Variants in KCNQ3 observed in about 807,000 individuals in gnomAD.
KCNQ3 encodes the protein potassium voltage-gated channel subfamily KQT member 3.
In KCNQ3, 30 loss-of-function variants were observed where a neutral mutation model predicts 92.5. The ratio of observed to expected loss-of-function variants is 0.32; its 90% confidence interval spans 0.24 to 0.44. The LOEUF is 0.44. Ranked by LOEUF, KCNQ3 falls within the 20% of genes least tolerant of loss-of-function variation. The pLI is 1.00. For synonymous variants in KCNQ3, 450 were observed against 468.8 expected (o/e 0.96, Z 0.52); for missense variants, 913 against 1,140.3 (o/e 0.80, Z 2.87).
chr8:132,339,035 C>T (rs765521012), intron 1 of KCNQ3, among the ~76,000 whole-genome samples: 5 of 152,060 alleles, frequency 3.3e-5, no homozygotes, highest in Admixed American at 6.5e-5. Context: ...TTCCTCTTCC[C>T]GCATTACAAA....
chr8:132,266,580 A>C (rs16904641), intron 1 of KCNQ3, among the ~76,000 whole-genome samples: 4,828 of 152,048 alleles, frequency 0.032, 288 homozygotes, highest in African/African-American at 0.11. Context: ...GTTTGGATCC[A>C]GTGCATCAGA....
intron 8 of KCNQ3, among the ~76,000 whole-genome samples, chr8:132,167,511 A>T (rs980747027): frequency 6.6e-6 from 1 of 152,222 alleles, no homozygotes; most frequent in African/African-American, 2.4e-5. Flanking sequence ...GAAAACCTTT[A>T]GGAGGTAGGT....
At chr8:132,351,061 ACT>A (rs766712172) in intron 1 of KCNQ3, among the ~76,000 whole-genome samples, 7 of 151,732 alleles carry the variant, frequency 4.6e-5, no homozygotes, top group Non-Finnish European at 7.4e-5. Context: ...CCACACCTCC[ACT>A]CTCACACATT....
chr8:132,219,231 G>T (rs1213552024), intron 1 of KCNQ3, among the ~76,000 whole-genome samples: 1 of 152,186 alleles, frequency 6.6e-6, no homozygotes, highest in African/African-American at 2.4e-5. Context: ...TGATTCAGCA[G>T]GTCTCAGGTG....
chr8:132,473,430 C>T (rs2130868350), intron 1 of KCNQ3, among the ~76,000 whole-genome samples: 1 of 152,306 alleles, frequency 6.6e-6, no homozygotes, highest in South Asian at 2.1e-4. Context: ...TCTGAGATTT[C>T]TGCTAATATT....
chr8:132,269,910 C>T (rs1816100019), intron 1 of KCNQ3, among the ~76,000 whole-genome samples: 1 of 152,204 alleles, frequency 6.6e-6, no homozygotes, highest in South Asian at 2.1e-4. Flanking sequence ...ATTCAGCCAA[C>T]AGCCAGATGG....
chr8:132,127,150 G>A lies in KCNQ3; in HGVS notation c.*2112C>T, dbSNP rs946225875. On this transcript the variant is annotated 3_prime_UTR_variant, in exon 15 of 15. Coordinates refer to ENST00000388996, the MANE Select transcript of KCNQ3 (RefSeq NM_004519.4). ...GCACTTTCAGCCATATTGAAGGAGT[G>A]GGGAAAAGGCCCAAATAACCCATGC... The A allele has an allele frequency of 8.5e-5, 13 of 152,156 alleles. No homozygotes were observed. Among genetic ancestry groups the A allele is most frequent in the Non-Finnish European group, 1.9e-4 (13 of 68,028 alleles). 9.4% of individuals were successfully genotyped at this position (152,156 alleles called of 1,614,324 possible). A position where few individuals can be genotyped will look rare whatever the true frequency, so the allele number is the denominator to read the frequency against.
intron 1 of KCNQ3, among the ~76,000 whole-genome samples, chr8:132,298,687 A>G (rs754557299): frequency 6.6e-6 from 1 of 152,164 alleles, no homozygotes; most frequent in Non-Finnish European, 1.5e-5. Context: ...GCAGGCGATC[A>G]CCTGAGGTCA....
chr8:132,169,792 C>T (rs575445941), intron 8 of KCNQ3, among the ~76,000 whole-genome samples: 2 of 152,324 alleles, frequency 1.3e-5, no homozygotes, highest in East Asian at 3.9e-4. Context: ...ATGCTGCGGC[C>T]CCGGCCCTGG....
chr8:132,236,680 A>G (rs963643606), intron 1 of KCNQ3, among the ~76,000 whole-genome samples: 3 of 152,172 alleles, frequency 2.0e-5, no homozygotes, highest in Non-Finnish European at 4.4e-5. Flanking sequence ...ATTTCACTCC[A>G]GTGACTGTGT....
At chr8:132,462,874 A>T (rs1002569147) in intron 1 of KCNQ3, among the ~76,000 whole-genome samples, 2 of 152,186 alleles carry the variant, frequency 1.3e-5, no homozygotes, top group African/African-American at 4.8e-5. Context: ...AAAATGGAAG[A>T]GTATTCTCCC....
At chr8:132,294,061 C>A (rs1302704749) in intron 1 of KCNQ3, among the ~76,000 whole-genome samples, 1 of 134,376 alleles carries the variant, frequency 7.4e-6, no homozygotes, top group Non-Finnish European at 1.5e-5. Flanking sequence ...AGTGCAGTGG[C>A]GTGATCTCAG....
At chr8:132,207,665 G>A (rs1261997117) in intron 1 of KCNQ3, among the ~76,000 whole-genome samples, 1 of 151,530 alleles carries the variant, frequency 6.6e-6, no homozygotes, top group Non-Finnish European at 1.5e-5. Context: ...ATAAAAATTG[G>A]TCCTCTCAGA....
intron 1 of KCNQ3, among the ~76,000 whole-genome samples, chr8:132,233,232 T>C (rs1814697460): frequency 6.6e-6 from 1 of 152,196 alleles, no homozygotes; most frequent in Non-Finnish European, 1.5e-5. Flanking sequence ...ATGAAAAACA[T>C]GTTTTCAAAA....
At position 132,247,924 on chromosome 8, in the gene KCNQ3, C is replaced by T. The variant is rs144362765; in HGVS notation, c.387-61743G>A. 2.3e-3 allele frequency among the ~76,000 whole-genome samples: 352 copies of T among 152,148 alleles called. 1 individual carries two copies. The highest frequency in any genetic ancestry group is 7.8e-3 in the African/African-American group (322 of 41,528). On this transcript the variant is annotated intron_variant, in intron 1 of 14. Coordinates refer to ENST00000388996, the MANE Select transcript of KCNQ3 (RefSeq NM_004519.4). Reference sequence around the variant, plus strand: ...GCCAAGCACTGTTTTAAGCACTTGACGAATGTTAGCTCACTTAATCCTAAT... The same window carrying T: ...GCCAAGCACTGTTTTAAGCACTTGATGAATGTTAGCTCACTTAATCCTAAT...
At chr8:132,410,427 T>C (rs1820619125) in intron 1 of KCNQ3, among the ~76,000 whole-genome samples, 1 of 152,182 alleles carries the variant, frequency 6.6e-6, no homozygotes, top group Non-Finnish European at 1.5e-5. Context: ...GTTGGACTTT[T>C]TAGCTGTTGC....
chr8:132,158,883 A>G (rs1825891491), intron 9 of KCNQ3, among the ~76,000 whole-genome samples: 1 of 152,172 alleles, frequency 6.6e-6, no homozygotes, highest in East Asian at 1.9e-4. Flanking sequence ...AGACATAATC[A>G]TCACATAGGA....
chr8:132,294,936 A>G (rs1379739280), intron 1 of KCNQ3, among the ~76,000 whole-genome samples: 3 of 152,208 alleles, frequency 2.0e-5, no homozygotes, highest in African/African-American at 4.8e-5. Flanking sequence ...CAAAACTACA[A>G]AAACCCTAGA....
chr8:132,388,547 T>C (rs1373424545), intron 1 of KCNQ3, among the ~76,000 whole-genome samples: 1 of 152,184 alleles, frequency 6.6e-6, no homozygotes, highest in African/African-American at 2.4e-5. Flanking sequence ...AGGGCTATAC[T>C]TAAGTGAATA....
Sources: allele counts gnomAD v4.1 joint callset (sites outside exome capture counted in the v4.1 genomes callset), GRCh38; gene constraint gnomAD v4.1.1; transcripts MANE v1.5; gene names NCBI Gene and HGNC (gene_info 2026-07-23, HGNC 2026-07-21).